The following EYA4 variants were observed in gnomAD, a reference collection of about 807,000 sequenced individuals.
EYA4 encodes protein phosphatase EYA4.
Under a neutral mutation model 87.9 loss-of-function variants are expected in EYA4, and 31 were observed. The observed-to-expected ratio is 0.35, with a 90% CI of 0.27 to 0.48. The LOEUF is 0.48. EYA4 is among the 20% of genes least tolerant of loss of function. The pLI is 0.99. For synonymous variants in EYA4, 263 were observed against 270.6 expected, an observed-to-expected ratio of 0.97 and a Z score of 0.28; for missense variants, 678 against 761.4, an observed-to-expected ratio of 0.89 and a Z score of 1.29.
intron 17 of EYA4, among the ~76,000 whole-genome samples, chr6:133,516,591 G>A (rs996446813): frequency 2.6e-5 from 4 of 151,574 alleles, no homozygotes; most frequent in Non-Finnish European, 4.4e-5. Context: ...GGTCGTGGTG[G>A]TGCACACCTG....
chr6:133,436,696 T>C (rs1791716651), intron 3 of EYA4, among the ~76,000 whole-genome samples: 1 of 152,210 alleles, frequency 6.6e-6, no homozygotes. Context: ...GCAAATTTGC[T>C]ATTTTGGTGG....
At chr6:133,386,906 TCTC>T (rs1786799726) in intron 3 of EYA4, among the ~76,000 whole-genome samples, 1 of 152,208 alleles carries the variant, frequency 6.6e-6, no homozygotes, top group Non-Finnish European at 1.5e-5. Flanking sequence ...GATTGACTCT[TCTC>T]CACTTCGTAA....
intron 2 of EYA4, among the ~76,000 whole-genome samples, chr6:133,371,308 G>C (rs748125583): frequency 2.0e-5 from 3 of 152,114 alleles, no homozygotes; most frequent in African/African-American, 4.8e-5. Context: ...CAGCCAATAA[G>C]TTTTCCCGTT....
intron 5 of EYA4, among the ~76,000 whole-genome samples, chr6:133,451,487 C>G (rs762202848): frequency 2.0e-5 from 3 of 152,106 alleles, no homozygotes; most frequent in Non-Finnish European, 2.9e-5. Context: ...ACTTCATATA[C>G]AAAAATACTT....
chr6:133,366,062 G>A (rs1474679372), intron 2 of EYA4, among the ~76,000 whole-genome samples: 1 of 152,190 alleles, frequency 6.6e-6, no homozygotes, highest in Non-Finnish European at 1.5e-5. Context: ...GGGGATTACT[G>A]TAGTAATCCA....
At chr6:133,459,042 G>A (rs1301151731) in intron 6 of EYA4, among the ~76,000 whole-genome samples, 1 of 152,110 alleles carries the variant, frequency 6.6e-6, no homozygotes, top group African/African-American at 2.4e-5. Context: ...TGCCCTTTGT[G>A]GGAGCAGTCT....
At chr6:133,512,054 A>G (rs775679163) in intron 14 of EYA4, among the ~76,000 whole-genome samples, 9 of 151,952 alleles carry the variant, frequency 5.9e-5, no homozygotes, top group Non-Finnish European at 1.3e-4. Context: ...TTTGTAGCAC[A>G]TTTGAGATGA....
At chr6:133,457,145 G>A (rs1793980597) in intron 6 of EYA4, among the ~76,000 whole-genome samples, 1 of 152,130 alleles carries the variant, frequency 6.6e-6, no homozygotes, top group Non-Finnish European at 1.5e-5. Flanking sequence ...GGCTGCAGGA[G>A]AGCACATGCT....
intron 2 of EYA4, among the ~76,000 whole-genome samples, chr6:133,374,391 TC>T (rs1785508568): frequency 6.6e-6 from 1 of 151,986 alleles, no homozygotes; most frequent in Non-Finnish European, 1.5e-5. Context: ...AGGCCAGAAA[TC>T]AAGTGAGATC....
At chr6:133,252,407 A>G (rs543149585) in intron 1 of EYA4, among the ~76,000 whole-genome samples, 27 of 152,362 alleles carry the variant, frequency 1.8e-4, no homozygotes, top group African/African-American at 6.3e-4. Context: ...GAAAGTAAAA[A>G]TAAATATATT....
chr6:133,280,550 C>T (rs9321398), intron 2 of EYA4, among the ~76,000 whole-genome samples: 41,693 of 151,910 alleles, frequency 0.27, 6,402 homozygotes, highest in East Asian at 0.49. Flanking sequence ...GCATGTGCCA[C>T]GGCGCCCAGA....
At chr6:133,403,577 T>C (rs993070085) in intron 3 of EYA4, among the ~76,000 whole-genome samples, 5 of 152,332 alleles carry the variant, frequency 3.3e-5, no homozygotes, top group Admixed American at 2.6e-4. Flanking sequence ...TTGAAGAAAG[T>C]GTTCATTAAG....
chr6:133,531,250 G>C lies in EYA4; in HGVS notation c.*2445G>C. The C allele has an allele frequency of 6.6e-7, 1 of 1,514,242 alleles. No individual in the cohort carries two copies. Among genetic ancestry groups the C allele is most frequent in the South Asian group, 1.2e-5 (1 of 83,574 alleles). The allele number at this position is 1,514,242 out of a possible 1,614,324, so 93.8% of individuals were successfully genotyped here. On this transcript the variant is annotated 3_prime_UTR_variant, in exon 20 of 20. Transcript: ENST00000355286. ...AAAACCTAAATGCAAGGTTGACGGA[G>C]AACAGCTTGTCTGGCACAACAATGG...
chr6:133,269,507 CTG>C (rs1776510896), intron 1 of EYA4, among the ~76,000 whole-genome samples: 1 of 330 alleles, frequency 3.0e-3, no homozygotes, highest in Admixed American at 0.033. Context: ...TACCTTTGAT[CTG>C]TGTCTCTGTT....
At chr6:133,409,431 C>T (rs1027626353) in intron 3 of EYA4, among the ~76,000 whole-genome samples, 5 of 152,020 alleles carry the variant, frequency 3.3e-5, no homozygotes, top group Admixed American at 1.3e-4. Context: ...ATATGGCAGA[C>T]GCAAAAAGAA....
chr6:133,517,006 G>T (rs897737553), intron 17 of EYA4, among the ~76,000 whole-genome samples: 3 of 152,168 alleles, frequency 2.0e-5, no homozygotes, highest in Non-Finnish European at 2.9e-5. Context: ...ATTATAAAAT[G>T]ATTTATATGC....
chr6:133,390,323 G>C lies in EYA4; in HGVS notation c.83+7882G>C, dbSNP rs181105143. ...TATCCTCCACCTCCTAGGTTTGAGC[G>C]ATTCTCCTGCCTCAGCCTCTTGAGT... On this transcript the variant is annotated intron_variant, in intron 3 of 19. Transcript: ENST00000355286. 2.6e-3 allele frequency among the ~76,000 whole-genome samples: 399 copies of C among 152,132 alleles called. 3 individuals carry two copies. Among genetic ancestry groups the C allele is most frequent in the African/African-American group, 9.2e-3 (383 of 41,498 alleles).
chr6:133,442,927 A>G (rs554931307), intron 3 of EYA4, among the ~76,000 whole-genome samples: 96 of 152,200 alleles, frequency 6.3e-4, no homozygotes, highest in African/African-American at 2.3e-3. Context: ...AATATATTGA[A>G]TTACATTGAT....
Position 133,525,209 on chromosome 6 carries a change from T to A in EYA4, c.1794T>A (p.Tyr598Ter). 6.2e-7 allele frequency: 1 copy of A among 1,613,700 alleles called. No individual in the cohort carries two copies. ...AAAGGTTTGGCAGAAAAGTAGTGTA[T>A]GTTGTAATTGGGGATGGTGTAGAAG... ...IMQRFGRKVV[Y>*]VVIGDGVEEE... is the part of the protein sequence containing the mutation. The change falls in exon 19 of 20, where the codon TAT becomes TAA. Residue 598 changes from tyrosine (Y) to a stop codon, truncating the protein, a stop_gained. Coordinates refer to ENST00000355286, the MANE Select transcript of EYA4 (RefSeq NM_004100.5). LOFTEE classifies it high-confidence loss of function.
Sources: gnomAD v4.1 joint callset for allele counts (sites outside exome capture counted in the v4.1 genomes callset) on GRCh38, gnomAD v4.1.1 for gene constraint, MANE v1.5 for transcripts, NCBI Gene and HGNC (gene_info 2026-07-23, HGNC 2026-07-21) for gene names.